The following DRC4 variants were observed in gnomAD, a reference collection of about 807,000 sequenced individuals.
DRC4 encodes the protein dynein regulatory complex subunit 4, also known as GAS-11.
the DRC4 span, chr16:90,037,384 C>G: frequency 1.2e-6 from 2 of 1,612,590 alleles, no homozygotes; most frequent in Non-Finnish European, 1.7e-6. Flanking sequence ...ACGAGAGGGA[C>G]AAGCAGATCC....
chr16:90,036,603 G>T, the DRC4 span: 2 of 1,556,448 alleles, frequency 1.3e-6, no homozygotes, highest in Non-Finnish European at 1.7e-6. Context: ...TGCGTGGGCT[G>T]GGCTGGGGAG....
the DRC4 span, among the ~76,000 whole-genome samples, chr16:90,035,226 T>G: frequency 6.6e-6 from 1 of 152,142 alleles, no homozygotes; most frequent in Non-Finnish European, 1.5e-5. Flanking sequence ...CTGTAGAAGA[T>G]CTTGCTATGT....
At chr16:90,037,335 G>A in the DRC4 span, 7 of 1,614,008 alleles carry the variant, frequency 4.3e-6, no homozygotes, top group South Asian at 2.2e-5. Flanking sequence ...CAGAAGGCTC[G>A]GGAGGAGATG....
At chr16:90,023,174 C>T in the DRC4 span, among the ~76,000 whole-genome samples, 1 of 152,192 alleles carries the variant, frequency 6.6e-6, no homozygotes, top group Non-Finnish European at 1.5e-5. Flanking sequence ...TTTGGTCTCC[C>T]GGATGGAGAG....
the DRC4 span, among the ~76,000 whole-genome samples, chr16:90,026,945 C>G: frequency 3.4e-5 from 5 of 148,500 alleles, no homozygotes; most frequent in Admixed American, 3.4e-4. Flanking sequence ...TGGAGTCTCA[C>G]TTTGTTGCCC....
At chr16:90,037,438 A>G in the DRC4 span, 2 of 1,581,560 alleles carry the variant, frequency 1.3e-6, no homozygotes, top group Non-Finnish European at 1.7e-6. Context: ...CCTTGGCATG[A>G]GCTTGCCTAG....
At chr16:90,031,664 G>C in the DRC4 span, among the ~76,000 whole-genome samples, 3 of 152,124 alleles carry the variant, frequency 2.0e-5, no homozygotes, top group Non-Finnish European at 4.4e-5. Flanking sequence ...GGTCCTGAGG[G>C]TTTAAAATGC....
chr16:90,027,138 T>A, the DRC4 span, among the ~76,000 whole-genome samples: 1 of 150,276 alleles, frequency 6.7e-6, no homozygotes, highest in African/African-American at 2.5e-5. Flanking sequence ...CTGGCTGGAG[T>A]GCAGTGGTGT....
At chr16:90,034,878 C>G in the DRC4 span, among the ~76,000 whole-genome samples, 1 of 146,866 alleles carries the variant, frequency 6.8e-6, no homozygotes, top group African/African-American at 2.5e-5. Context: ...TATGAGCCAC[C>G]ACACCCACCT....
the DRC4 span, chr16:90,028,814 CCT>C: frequency 1.4e-6 from 1 of 706,620 alleles, no homozygotes; most frequent in Non-Finnish European, 2.0e-6. Flanking sequence ...ATAAATCTTA[CCT>C]TCTTTTGATA....
the DRC4 span, among the ~76,000 whole-genome samples, chr16:90,028,596 G>A: frequency 6.6e-6 from 1 of 152,106 alleles, no homozygotes; most frequent in African/African-American, 2.4e-5. Context: ...TAGTTTCTTT[G>A]TAGGAGTTAG....
the DRC4 span, chr16:90,040,012 G>A: frequency 4.4e-6 from 2 of 455,164 alleles, no homozygotes; most frequent in South Asian, 4.4e-5. Flanking sequence ...CAGCTTTCAG[G>A]GTGGGGCTGC....
the DRC4 span, among the ~76,000 whole-genome samples, chr16:90,038,400 G>A: frequency 1.9e-4 from 29 of 152,242 alleles, no homozygotes; most frequent in African/African-American, 3.6e-4. Flanking sequence ...CATAGGAAGC[G>A]GTCTCATCCT....
the DRC4 span, chr16:90,040,647 T>G: frequency 1.9e-6 from 1 of 516,398 alleles, no homozygotes. Flanking sequence ...GGGTTTCCTG[T>G]GGCCAGTTTC....
chr16:90,021,671 A>C, the DRC4 span, among the ~76,000 whole-genome samples: 2 of 151,948 alleles, frequency 1.3e-5, no homozygotes, highest in East Asian at 3.9e-4. Context: ...GTTTGAGACC[A>C]CTCTGGGCAA....
At chr16:90,020,604 A>G in the DRC4 span, among the ~76,000 whole-genome samples, 1 of 152,236 alleles carries the variant, frequency 6.6e-6, no homozygotes, top group Non-Finnish European at 1.5e-5. Context: ...GCTCTTTTCT[A>G]AAAATCTGAA....
chr16:90,022,632 G>A, the DRC4 span: 2 of 1,340,886 alleles, frequency 1.5e-6, no homozygotes, highest in Non-Finnish European at 2.0e-6. Context: ...ACTTATCGCG[G>A]CATCGCCCAG....
At chr16:90,032,409 G>T in the DRC4 span, among the ~76,000 whole-genome samples, 2 of 151,382 alleles carry the variant, frequency 1.3e-5, no homozygotes, top group Non-Finnish European at 2.9e-5. Flanking sequence ...AGGAGGTGTG[G>T]TACAGGTGTG....
At chr16:90,027,111 A>G in the DRC4 span, among the ~76,000 whole-genome samples, 1 of 139,578 alleles carries the variant, frequency 7.2e-6, no homozygotes, top group Non-Finnish European at 1.5e-5. Context: ...TTTGAGATGG[A>G]GTCTCACTCT....
Sources: gnomAD v4.1 joint callset for allele counts (sites outside exome capture counted in the v4.1 genomes callset) on GRCh38, gnomAD v4.1.1 for gene constraint, MANE v1.5 for transcripts, NCBI Gene and HGNC (gene_info 2026-07-23, HGNC 2026-07-21) for gene names.